The following PLD3 variants were observed in gnomAD, a reference collection of about 807,000 sequenced individuals.
The protein encoded by PLD3 is 5'-3' exonuclease PLD3.
A neutral mutation model predicts 58.4 loss-of-function variants in PLD3; 31 were observed. The observed-to-expected ratio is 0.53, with a 90% CI of 0.40 to 0.72. The LOEUF is 0.72. PLD3 is among the 30% of genes least tolerant of loss of function. The probability of loss-of-function intolerance (pLI) is 0.00; values close to 1 mark genes in which losing one functional copy is unlikely to be tolerated. For missense variants in PLD3, 595 were observed against 659.8 expected (o/e 0.90, Z 1.08); for synonymous variants, 264 against 273.4 (o/e 0.97, Z 0.34).
intron 11 of PLD3, among the ~76,000 whole-genome samples, chr19:40,377,090 G>A (rs1213029575): frequency 7.7e-6 from 1 of 129,348 alleles, no homozygotes; most frequent in Non-Finnish European, 1.7e-5. Context: ...GCTGGGATGG[G>A]GAGGCACAGG....
intron 1 of PLD3, chr19:40,355,994 C>T (rs73046335): frequency 0.35 from 53,971 of 152,066 alleles, 11,802 homozygotes; most frequent in South Asian, 0.62. Flanking sequence ...TCAGACTGAC[C>T]GTCTTCTCTC....
At chr19:40,370,774 A>G (rs1205228665) in intron 8 of PLD3, 4 of 153,996 alleles carry the variant, frequency 2.6e-5, no homozygotes, top group Non-Finnish European at 4.3e-5. Context: ...GCCCCTCTAC[A>G]TGGCATTCAA....
intron 1 of PLD3, among the ~76,000 whole-genome samples, chr19:40,354,098 G>GA (rs2078591349): frequency 7.8e-6 from 1 of 128,378 alleles, no homozygotes; most frequent in Non-Finnish European, 1.6e-5. Flanking sequence ...TTTTGAGACA[G>GA]AGTCTCGCTC....
intron 1 of PLD3, among the ~76,000 whole-genome samples, chr19:40,352,876 T>A (rs886219368): frequency 1.3e-5 from 2 of 152,018 alleles, no homozygotes; most frequent in Non-Finnish European, 2.9e-5. Context: ...GGCGAGAGGA[T>A]CACTTGAGCC....
At chr19:40,367,487 G>A (rs560023610) in intron 5 of PLD3, 13 of 495,566 alleles carry the variant, frequency 2.6e-5, no homozygotes, top group South Asian at 1.0e-4. Flanking sequence ...AGGTTGAGGC[G>A]GGAGGATCGC....
chr19:40,374,916 G>A (rs896735677), intron 10 of PLD3: 40 of 376,494 alleles, frequency 1.1e-4, no homozygotes, highest in Non-Finnish European at 1.8e-4. Context: ...AACATTTTGC[G>A]GGGCTGAGGT....
chr19:40,369,858 G>GT (rs1568671174), intron 6 of PLD3, 50 bp from the exon 7 acceptor site: 1 of 1,503,262 alleles, frequency 6.7e-7, no homozygotes, highest in South Asian at 1.3e-5. Context: ...ACCTTGTGGG[G>GT]TTGGAGAGCT....
intron 1 of PLD3, among the ~76,000 whole-genome samples, chr19:40,351,176 A>G (rs1286215472): frequency 6.6e-6 from 1 of 151,864 alleles, no homozygotes; most frequent in Non-Finnish European, 1.5e-5. Context: ...GGCTGCAGTG[A>G]GCCATGATTT....
chr19:40,354,153 A>G (rs57885763), intron 1 of PLD3, among the ~76,000 whole-genome samples: 26,427 of 144,294 alleles, frequency 0.18, 2,605 homozygotes, highest in African/African-American at 0.25. Flanking sequence ...GGCTCACTGC[A>G]ACTTCCACCT....
At chr19:40,371,360 T>G in intron 8 of PLD3, 1 of 333,050 alleles carries the variant, frequency 3.0e-6, no homozygotes, top group Non-Finnish European at 5.6e-6. Context: ...GAATGCCTGG[T>G]GCAGGCTGGG....
At chr19:40,366,742 G>A (rs751773459) in intron 4 of PLD3, 31 bp from the exon 5 acceptor site, 37 of 1,613,662 alleles carry the variant, frequency 2.3e-5, no homozygotes, top group Non-Finnish European at 3.1e-5. Flanking sequence ...TGCCCCCCTC[G>A]GGCTGGCTGA....
Position 40,371,781 on chromosome 19 carries a change from T to G in PLD3, c.787T>G (p.Ser263Ala). Residue 263 changes from serine to alanine, a missense_variant, in exon 9 of 13, where the codon TCA (serine) becomes GCA (alanine). Physicochemically the swap from Ser to Ala is moderately conservative, Grantham distance 99. Transcript: ENST00000409735. ...GGGCCAGGCAGGCAGCTCCATCCCATCAACTTGGCCCCGGTTCTATGACAC... is the reference window on the plus strand; with the variant it reads ...GGGCCAGGCAGGCAGCTCCATCCCAGCAACTTGGCCCCGGTTCTATGACAC... ...FLGQAGSSIPSTWPRFYDTRY... is the reference protein window; with the variant it reads ...FLGQAGSSIPATWPRFYDTRY... 6.2e-7 allele frequency: 1 copy of G among 1,613,998 alleles called. No individual in the cohort carries two copies. Among genetic ancestry groups the G allele is most frequent in the Non-Finnish European group, 8.5e-7 (1 of 1,179,980 alleles).
At chr19:40,375,812 A>C (rs2079184187) in intron 10 of PLD3, among the ~76,000 whole-genome samples, 1 of 151,992 alleles carries the variant, frequency 6.6e-6, no homozygotes, top group Admixed American at 6.6e-5. Flanking sequence ...TAATCCCAAC[A>C]CTTTGGGAGG....
chr19:40,372,343 C>A (rs545795497), intron 9 of PLD3, among the ~76,000 whole-genome samples: 2 of 151,374 alleles, frequency 1.3e-5, no homozygotes, highest in South Asian at 4.2e-4. Context: ...AACAAACAAA[C>A]AAAACTAGCT....
chr19:40,369,061 G>A (rs2079000296), intron 6 of PLD3, among the ~76,000 whole-genome samples: 1 of 152,142 alleles, frequency 6.6e-6, no homozygotes, highest in African/African-American at 2.4e-5. Context: ...GGAATTGGAG[G>A]CTGCAGTGAG....
At position 40,370,223 on chromosome 19, in the gene PLD3, C is replaced by G. The variant is rs200077325; in HGVS notation, c.664C>G (p.Arg222Gly). 14 of 1,613,266 alleles carry G rather than the reference C, an allele frequency of 8.7e-6. No homozygotes were observed. Among genetic ancestry groups the G allele is most frequent in the Non-Finnish European group, 1.2e-5 (14 of 1,179,624 alleles). Residue 222 changes from arginine (R) to glycine (G), a missense_variant, in exon 8 of 13, where the codon CGT becomes GGT. Transcript: ENST00000409735. Reference protein sequence around the residue: ...FYLGSANMDWRSLTQVKELGV... With the variant: ...FYLGSANMDWGSLTQVKELGV... ...CCTGGGCAGTGCCAACATGGACTGG[C>G]GTTCACTGACCCAGGTCTGTCTGCA...
rs1568675252 is a variant in PLD3, at chr19:40,371,639, C to CGCTATCG, written c.679-33_679-27dup. The CGCTATCG allele has an allele frequency of 2.7e-6, 4 of 1,487,524 alleles. No individual in the cohort carries two copies. In the South Asian group the frequency reaches 4.6e-5, roughly 17 times the overall value. The allele number at this position is 1,487,524 out of a possible 1,614,324, so 92.1% of individuals were successfully genotyped here. A position where few individuals can be genotyped will look rare whatever the true frequency, so the allele number is the denominator to read the frequency against. On this transcript the variant is annotated intron_variant, in intron 8 of 12. Transcript: ENST00000409735. ...TCCCTGTCATCTGTGAGCACTAGGC[C>CGCTATCG]GCTATCGCTGAGCTCAGCACTGCCC...
At chr19:40,377,362 GGGGGGC>G (rs2079251998) in intron 11 of PLD3, among the ~76,000 whole-genome samples, 1 of 81,844 alleles carries the variant, frequency 1.2e-5, no homozygotes, top group Non-Finnish European at 2.8e-5. Context: ...GGCTGGGATG[GGGGGGC>G]ACAGGCAGAG....
At chr19:40,370,365 G>A (rs1015226738) in intron 8 of PLD3, 128 bp downstream of exon 8, 4 of 1,078,286 alleles carry the variant, frequency 3.7e-6, no homozygotes, top group African/African-American at 1.6e-5. Flanking sequence ...CTTCCTTCTT[G>A]CCTCCTACCA....
Sources: allele counts gnomAD v4.1 joint callset (sites outside exome capture counted in the v4.1 genomes callset), GRCh38; gene constraint gnomAD v4.1.1; transcripts MANE v1.5; gene names NCBI Gene and HGNC (gene_info 2026-07-23, HGNC 2026-07-21).